The following SHISA9 variants were observed in gnomAD, a reference collection of about 807,000 sequenced individuals.
SHISA9 encodes the protein shisa family member 9, also known as protein shisa-9.
A neutral mutation model predicts 38.0 loss-of-function variants in SHISA9; 13 were observed. The observed-to-expected ratio is 0.34, with a 90% CI of 0.22 to 0.54. The LOEUF (loss-of-function observed/expected upper bound fraction) is 0.54, where lower values mean the gene tolerates loss of function less well. Ranked by LOEUF, SHISA9 falls within the 20% of genes least tolerant of loss-of-function variation. The pLI is 0.91. For missense variants in SHISA9, 538 were observed against 575.8 expected (o/e 0.93, Z 0.67); for synonymous variants, 275 against 242.0 (o/e 1.14, Z -1.27).
chr16:12,920,077 G>A (rs2071308187), intron 2 of SHISA9, among the ~76,000 whole-genome samples: 1 of 152,118 alleles, frequency 6.6e-6, no homozygotes. Flanking sequence ...GATGGAAGAC[G>A]TGAGTGAGGG....
At chr16:13,128,282 T>A (rs2050278312) in intron 2 of SHISA9, among the ~76,000 whole-genome samples, 1 of 152,192 alleles carries the variant, frequency 6.6e-6, no homozygotes, top group Non-Finnish European at 1.5e-5. Flanking sequence ...TGCCAGGTGT[T>A]CTGCAGGGAA....
intron 2 of SHISA9, among the ~76,000 whole-genome samples, chr16:13,187,665 G>C (rs1190138897): frequency 6.6e-6 from 1 of 152,136 alleles, no homozygotes; most frequent in Non-Finnish European, 1.5e-5. Context: ...GTCTAGAAAA[G>C]AGTAAGACTG....
intron 2 of SHISA9, among the ~76,000 whole-genome samples, chr16:13,149,908 G>C (rs1242687833): frequency 7.2e-6 from 1 of 139,426 alleles, no homozygotes; most frequent in Non-Finnish European, 1.5e-5. Flanking sequence ...CTGGGTGATA[G>C]AGCAATACTC....
At chr16:13,115,348 A>G (rs2074021757) in intron 2 of SHISA9, among the ~76,000 whole-genome samples, 1 of 152,216 alleles carries the variant, frequency 6.6e-6, no homozygotes, top group Non-Finnish European at 1.5e-5. Flanking sequence ...CTATTTATTA[A>G]CAGCAAACCA....
At chr16:12,907,180 C>T in intron 1 of SHISA9, among the ~76,000 whole-genome samples, 1 of 120,798 alleles carries the variant, frequency 8.3e-6, no homozygotes, top group South Asian at 3.2e-4. Context: ...CCCCTTCCAC[C>T]CTTCCCTCCC....
chr16:13,209,422 G>C (rs16961357), intron 3 of SHISA9, among the ~76,000 whole-genome samples: 209 of 152,260 alleles, frequency 1.4e-3, no homozygotes, highest in African/African-American at 4.9e-3. Context: ...TTTCTAAGCT[G>C]TCCTAAGGAC....
the SHISA9 span, among the ~76,000 whole-genome samples, chr16:13,441,876 A>G: frequency 9.4e-4 from 143 of 152,342 alleles, no homozygotes; most frequent in African/African-American, 3.2e-3. Flanking sequence ...GGCCGTAGCC[A>G]TATAATTCCC....
chr16:13,148,332 C>G (rs140426479), intron 2 of SHISA9, among the ~76,000 whole-genome samples: 3 of 152,130 alleles, frequency 2.0e-5, no homozygotes, highest in Non-Finnish European at 2.9e-5. Flanking sequence ...GGTTCACACA[C>G]TCTTTACACA....
chr16:13,393,854 C>G, the SHISA9 span, among the ~76,000 whole-genome samples: 1 of 152,192 alleles, frequency 6.6e-6, no homozygotes, highest in South Asian at 2.1e-4. Flanking sequence ...CACAGCTCCC[C>G]TTGAAATCCT....
chr16:13,535,229 G>A, the SHISA9 span, among the ~76,000 whole-genome samples: 2 of 152,312 alleles, frequency 1.3e-5, no homozygotes, highest in South Asian at 2.1e-4. Context: ...CTGGGTAACA[G>A]AGTGAGACTC....
chr16:12,908,447 G>T (rs9925397), intron 1 of SHISA9: 1 of 1,550,554 alleles, frequency 6.4e-7, no homozygotes, highest in Non-Finnish European at 8.7e-7. Flanking sequence ...GTAAATTCTC[G>T]TTTAATTTCA....
the SHISA9 span, among the ~76,000 whole-genome samples, chr16:13,407,856 T>C: frequency 6.6e-6 from 1 of 152,186 alleles, no homozygotes; most frequent in African/African-American, 2.4e-5. Context: ...TGTAATTCAG[T>C]GATGTTTGGT....
intron 2 of SHISA9, among the ~76,000 whole-genome samples, chr16:13,042,121 A>G (rs1446415098): frequency 1.3e-5 from 2 of 152,140 alleles, no homozygotes; most frequent in African/African-American, 2.4e-5. Context: ...AATAACTGGG[A>G]TTATTGCCAA....
the SHISA9 span, among the ~76,000 whole-genome samples, chr16:13,388,518 G>A: frequency 0.036 from 5,431 of 151,990 alleles, 169 homozygotes; most frequent in African/African-American, 0.088. Context: ...CACCATGTTG[G>A]CCGGGCTACC....
At chr16:13,299,691 C>A in the SHISA9 span, among the ~76,000 whole-genome samples, 1 of 145,500 alleles carries the variant, frequency 6.9e-6, no homozygotes, top group Non-Finnish European at 1.5e-5. Flanking sequence ...TTAGCCTGGG[C>A]GACAGAGTGA....
the SHISA9 span, among the ~76,000 whole-genome samples, chr16:13,511,549 C>T: frequency 6.6e-6 from 1 of 151,960 alleles, no homozygotes; most frequent in African/African-American, 2.4e-5. Flanking sequence ...ATGTGTTTTC[C>T]AATATTGGAC....
At chr16:13,414,013 A>G in the SHISA9 span, among the ~76,000 whole-genome samples, 1 of 152,150 alleles carries the variant, frequency 6.6e-6, no homozygotes. Flanking sequence ...CTGTAACCAG[A>G]TTAATTTTTT....
the SHISA9 span, among the ~76,000 whole-genome samples, chr16:13,438,156 G>A: frequency 5.3e-5 from 8 of 152,082 alleles, no homozygotes; most frequent in African/African-American, 1.9e-4. Flanking sequence ...GTGAGCCACC[G>A]CACCCGGCCT....
At chr16:13,330,872 G>A in the SHISA9 span, among the ~76,000 whole-genome samples, 21 of 152,226 alleles carry the variant, frequency 1.4e-4, no homozygotes, top group Non-Finnish European at 2.8e-4. Context: ...CACTCATCAA[G>A]CCAGGAACTC....
Sources: allele counts gnomAD v4.1 joint callset (sites outside exome capture counted in the v4.1 genomes callset), GRCh38; gene constraint gnomAD v4.1.1; transcripts MANE v1.5; gene names NCBI Gene and HGNC (gene_info 2026-07-23, HGNC 2026-07-21).